PLCL2: variants seen among roughly 807,000 people sequenced by gnomAD.
The protein encoded by PLCL2 is phospholipase C like 2, also known as inactive phospholipase C-like protein 2.
A neutral mutation model predicts 79.6 loss-of-function variants in PLCL2; 4 were observed. That is an observed-to-expected ratio of 0.05 (90% CI 0.02 to 0.11). The LOEUF (loss-of-function observed/expected upper bound fraction) is 0.11, where lower values mean the gene tolerates loss of function less well. Among genes scored for constraint, PLCL2 ranks in the 10% least tolerant of loss-of-function variants. The probability of loss-of-function intolerance (pLI) is 1.00; values close to 1 mark genes in which losing one functional copy is unlikely to be tolerated. For synonymous variants in PLCL2, 484 were observed against 457.7 expected (o/e 1.06, Z -0.73); for missense variants, 895 against 1,291.0 (o/e 0.69, Z 4.70).
intron 1 of PLCL2, among the ~76,000 whole-genome samples, chr3:16,890,688 T>G (rs1696325630): frequency 6.6e-6 from 1 of 152,222 alleles, no homozygotes; most frequent in Non-Finnish European, 1.5e-5. Context: ...ATTCAAATAC[T>G]TTTACCAGTG....
At chr3:16,909,891 T>C (rs1696836315) in intron 1 of PLCL2, among the ~76,000 whole-genome samples, 1 of 152,192 alleles carries the variant, frequency 6.6e-6, no homozygotes, top group Admixed American at 6.5e-5. Context: ...TTGGTCTGAC[T>C]GATTACCATT....
intron 4 of PLCL2, among the ~76,000 whole-genome samples, chr3:17,046,035 T>G (rs568501909): frequency 9.6e-4 from 146 of 152,132 alleles, no homozygotes; most frequent in African/African-American, 3.3e-3. Context: ...AGGGACTGAT[T>G]AAATATCAGA....
intron 5 of PLCL2, among the ~76,000 whole-genome samples, chr3:17,077,199 T>G (rs987647270): frequency 6.6e-6 from 1 of 152,236 alleles, no homozygotes; most frequent in African/African-American, 2.4e-5. Context: ...AGGATCACTG[T>G]GTTGTACTAT....
intron 1 of PLCL2, among the ~76,000 whole-genome samples, chr3:16,928,792 T>G (rs562768975): frequency 6.6e-6 from 1 of 152,362 alleles, no homozygotes; most frequent in Admixed American, 6.5e-5. Context: ...GCTTGGCATA[T>G]AAGAAATGCT....
intron 1 of PLCL2, among the ~76,000 whole-genome samples, chr3:16,998,264 T>A (rs375854390): frequency 5.5e-4 from 83 of 152,254 alleles, no homozygotes; most frequent in Non-Finnish European, 9.4e-4. Flanking sequence ...AGAAAATTAA[T>A]GATTGAGAAG....
At chr3:16,890,763 T>C (rs1696327979) in intron 1 of PLCL2, among the ~76,000 whole-genome samples, 1 of 152,174 alleles carries the variant, frequency 6.6e-6, no homozygotes, top group African/African-American at 2.4e-5. Flanking sequence ...ACTGATAAGA[T>C]TGGTAAATTG....
intron 5 of PLCL2, among the ~76,000 whole-genome samples, chr3:17,079,875 G>C (rs984771405): frequency 3.9e-5 from 6 of 152,188 alleles, no homozygotes; most frequent in African/African-American, 1.4e-4. Flanking sequence ...CACATGGAAA[G>C]TCAGATCCAT....
chr3:17,090,137 A>G lies in PLCL2; in HGVS notation c.*225A>G, dbSNP rs1400507764. The stretch of plus-strand genomic sequence containing the variant: ...ATTATATTGCTGGCCAAAATATGCT[A>G]TATTTGTATACAAAGACATTCTAAC... On this transcript the variant is annotated 3_prime_UTR_variant, in exon 6 of 6. Coordinates refer to ENST00000615277, the MANE Select transcript of PLCL2 (RefSeq NM_001144382.2). 1 of 1,240,636 alleles carries G rather than the reference A, an allele frequency of 8.1e-7. No individual in the cohort carries two copies. The highest frequency in any genetic ancestry group is 1.5e-5 in the African/African-American group (1 of 65,082). 76.9% of individuals were successfully genotyped at this position (1,240,636 alleles called of 1,614,324 possible). A position where few individuals can be genotyped will look rare whatever the true frequency, so the allele number is the denominator to read the frequency against.
chr3:17,076,628 G>A (rs1440136182), intron 5 of PLCL2, among the ~76,000 whole-genome samples: 2 of 151,898 alleles, frequency 1.3e-5, no homozygotes, highest in African/African-American at 4.8e-5. Flanking sequence ...TCAGCCTCCT[G>A]AGTAGCTGGG....
chr3:16,899,737 GT>G (rs750056478), intron 1 of PLCL2, among the ~76,000 whole-genome samples: 3 of 151,958 alleles, frequency 2.0e-5, no homozygotes, highest in Non-Finnish European at 2.9e-5. Context: ...GAATGATTCA[GT>G]TTTTGCTATT....
intron 1 of PLCL2, among the ~76,000 whole-genome samples, chr3:16,906,019 A>G (rs1696744253): frequency 6.6e-6 from 1 of 152,206 alleles, no homozygotes; most frequent in Non-Finnish European, 1.5e-5. Flanking sequence ...GCAGGACTGC[A>G]TTAATGACTT....
chr3:17,049,622 A>C (rs1363531319), intron 4 of PLCL2, among the ~76,000 whole-genome samples: 1 of 152,204 alleles, frequency 6.6e-6, no homozygotes. Context: ...TAACTTAAAG[A>C]AGTGAAACAT....
At chr3:17,088,169 T>C (rs1221841592) in intron 5 of PLCL2, among the ~76,000 whole-genome samples, 4 of 152,202 alleles carry the variant, frequency 2.6e-5, no homozygotes, top group East Asian at 3.8e-4. Context: ...CTCATGACGG[T>C]TTAAAATTGC....
chr3:17,042,844 T>TAA (rs1241909068), intron 3 of PLCL2, 30 bp from the exon 4 acceptor site: 1 of 1,510,690 alleles, frequency 6.6e-7, no homozygotes, highest in East Asian at 2.3e-5. Context: ...TTGTCAGGTG[T>TAA]AATCTCATGT....
intron 5 of PLCL2, among the ~76,000 whole-genome samples, chr3:17,083,579 G>A (rs763030934): frequency 1.8e-4 from 28 of 152,212 alleles, no homozygotes; most frequent in Non-Finnish European, 3.1e-4. Context: ...TGGCTGTCAC[G>A]TTGAACATGG....
At chr3:17,068,763 T>C (rs2065034040) in intron 5 of PLCL2, among the ~76,000 whole-genome samples, 1 of 152,200 alleles carries the variant, frequency 6.6e-6, no homozygotes. Context: ...CTCAGGCTGA[T>C]TTTCTATTTT....
Position 17,010,264 on chromosome 3 carries a change from C to A in PLCL2, c.918C>A (p.Ser306Arg), listed in dbSNP as rs2064307016. 4 of 1,613,726 alleles carry A rather than the reference C, an allele frequency of 2.5e-6. No homozygotes were observed. In the East Asian group the frequency reaches 8.9e-5, roughly 36 times the overall value. Residue 306 changes from serine (S) to arginine (R), a missense_variant, in exon 2 of 6, where the codon AGC (serine) becomes AGA (arginine). Transcript: ENST00000615277. This position sits in a 1 kb window ranked among gnomAD's most constrained non-coding sequence, Gnocchi z 5.8. ...ACCTCAATCCTGGTTTAAAAACGAG[C>A]AAAATTGAGCTTAAGTTCAAAGAAT... is the stretch of plus-strand genomic sequence containing the variant. ...IRNLNPGLKT[S>R]KIELKFKELH...
At chr3:17,066,231 C>T (rs1052067295) in intron 4 of PLCL2, among the ~76,000 whole-genome samples, 3 of 152,114 alleles carry the variant, frequency 2.0e-5, no homozygotes, top group Non-Finnish European at 2.9e-5. Flanking sequence ...GTGGTCCATG[C>T]GTTAGTTCCC....
chr3:17,024,221 G>A (rs570707249), intron 3 of PLCL2, among the ~76,000 whole-genome samples: 26 of 152,176 alleles, frequency 1.7e-4, no homozygotes, highest in Admixed American at 1.3e-4. Flanking sequence ...ACATTTTTTC[G>A]TAGAGCATCC....
Sources: gnomAD v4.1 joint callset for allele counts (sites outside exome capture counted in the v4.1 genomes callset) on GRCh38, gnomAD v4.1.1 for gene constraint, Gnocchi (gnomAD v3.1) non-coding constraint, MANE v1.5 for transcripts, NCBI Gene and HGNC (gene_info 2026-07-23, HGNC 2026-07-21) for gene names.